PDE1A: variants seen among roughly 807,000 people sequenced by gnomAD.
PDE1A encodes the protein phosphodiesterase 1A, also known as dual specificity calcium/calmodulin-dependent 3',5'-cyclic nucleotide phosphodiesterase 1A.
PDE1A carries 35 observed loss-of-function variants against 61.7 expected under a neutral mutation model. The ratio of observed to expected loss-of-function variants is 0.57; its 90% CI spans 0.43 to 0.75. The LOEUF is 0.75. Ranked by LOEUF, PDE1A falls within the 30% of genes least tolerant of loss-of-function variation. The pLI is 0.00. For synonymous variants in PDE1A, 232 were observed against 213.2 expected (o/e 1.09, Z -0.77); for missense variants, 597 against 630.6 (o/e 0.95, Z 0.57).
the PDE1A span, among the ~76,000 whole-genome samples, chr2:182,619,065 G>A: frequency 1.3e-5 from 2 of 151,342 alleles, no homozygotes; most frequent in Non-Finnish European, 2.9e-5. Context: ...GGGTGAGCGG[G>A]GGCAGGGTTG....
At chr2:182,281,882 T>C (rs1028036386) in intron 1 of PDE1A, among the ~76,000 whole-genome samples, 1 of 151,842 alleles carries the variant, frequency 6.6e-6, no homozygotes, top group African/African-American at 2.4e-5. Flanking sequence ...TTAAATATAG[T>C]TAAGAAATTT....
chr2:182,618,253 T>C, the PDE1A span, among the ~76,000 whole-genome samples: 1 of 152,198 alleles, frequency 6.6e-6, no homozygotes, highest in African/African-American at 2.4e-5. Context: ...GGGAGAATTA[T>C]TATAGTGTCA....
chr2:182,663,872 C>T, the PDE1A span, among the ~76,000 whole-genome samples: 9 of 151,414 alleles, frequency 5.9e-5, no homozygotes, highest in Non-Finnish European at 1.3e-4. Flanking sequence ...TAAAATAAAC[C>T]ATAAGAAAGT....
chr2:182,506,537 T>C (rs1176053597), intron 2 of PDE1A, among the ~76,000 whole-genome samples: 3 of 152,236 alleles, frequency 2.0e-5, no homozygotes, highest in East Asian at 3.8e-4. Context: ...TTTCTTATCA[T>C]TTACTCCTTT....
chr2:182,154,400 C>A (rs1690951088), intron 13 of PDE1A, among the ~76,000 whole-genome samples: 1 of 152,114 alleles, frequency 6.6e-6, no homozygotes, highest in Non-Finnish European at 1.5e-5. Context: ...AAACATGTAT[C>A]ATTCATCCTT....
intron 2 of PDE1A, among the ~76,000 whole-genome samples, chr2:182,249,539 G>A (rs1033728767): frequency 6.6e-6 from 1 of 152,130 alleles, no homozygotes; most frequent in Non-Finnish European, 1.5e-5. Flanking sequence ...GCTAAAGGTG[G>A]TACTGAACTC....
chr2:182,668,787 C>A, the PDE1A span, among the ~76,000 whole-genome samples: 1 of 152,218 alleles, frequency 6.6e-6, no homozygotes, highest in African/African-American at 2.4e-5. Flanking sequence ...TGGCTCCCCA[C>A]TGTCTGCCTG....
the PDE1A span, among the ~76,000 whole-genome samples, chr2:182,681,343 T>C: frequency 6.6e-6 from 1 of 152,084 alleles, no homozygotes; most frequent in African/African-American, 2.4e-5. Context: ...AGTCTTGCTC[T>C]GTTGCCCAGG....
At chr2:182,619,081 T>C in the PDE1A span, among the ~76,000 whole-genome samples, 1 of 151,538 alleles carries the variant, frequency 6.6e-6, no homozygotes, top group Non-Finnish European at 1.5e-5. Flanking sequence ...GGTTGGAAGA[T>C]ACTATAACAA....
At chr2:182,623,918 G>A in the PDE1A span, among the ~76,000 whole-genome samples, 2 of 152,202 alleles carry the variant, frequency 1.3e-5, no homozygotes, top group African/African-American at 4.8e-5. Context: ...GAGGTCAGGA[G>A]ACCGAGACCA....
At chr2:182,446,285 T>C (rs1398654598) in intron 2 of PDE1A, among the ~76,000 whole-genome samples, 1 of 152,086 alleles carries the variant, frequency 6.6e-6, no homozygotes, top group East Asian at 1.9e-4. Context: ...TCAGCTCTGT[T>C]AGAACAGCAT....
the PDE1A span, among the ~76,000 whole-genome samples, chr2:182,576,469 C>T: frequency 2.6e-5 from 4 of 152,156 alleles, no homozygotes; most frequent in Non-Finnish European, 2.9e-5. Context: ...CATCTACCAA[C>T]GAACACTTGT....
intron 1 of PDE1A, among the ~76,000 whole-genome samples, chr2:182,389,507 T>A (rs1297601522): frequency 1.3e-5 from 2 of 152,140 alleles, no homozygotes; most frequent in Non-Finnish European, 2.9e-5. Flanking sequence ...TTAATATCAG[T>A]AATCATCAGG....
chr2:182,148,293 G>A (rs1234736849), intron 13 of PDE1A, among the ~76,000 whole-genome samples: 1 of 152,092 alleles, frequency 6.6e-6, no homozygotes, highest in Non-Finnish European at 1.5e-5. Flanking sequence ...GGGGTGGGGT[G>A]TGTATGGTTG....
rs576969435 is a variant in PDE1A at position 182,462,260 on chromosome 2, A to G, written c.101+60016T>C. On this transcript the variant is annotated intron_variant, in intron 2 of 14. Transcript: ENST00000410103. ...CATGGCACATGTATACATATGTAAC[A>G]AACCTGCACGTTGTGCACATGCACC... Among the ~76,000 whole-genome samples, 280 of 152,198 alleles carry G rather than the reference A, an allele frequency of 1.8e-3. 1 individual carries two copies. Among genetic ancestry groups the G allele is most frequent in the Non-Finnish European group, 3.2e-3 (217 of 68,000 alleles).
intron 2 of PDE1A, among the ~76,000 whole-genome samples, chr2:182,261,083 C>G (rs979585208): frequency 6.6e-6 from 1 of 151,830 alleles, no homozygotes; most frequent in African/African-American, 2.4e-5. Flanking sequence ...TATAGTGGGC[C>G]CTTAATACGT....
At chr2:182,157,005 T>C (rs1480543504) in intron 13 of PDE1A, among the ~76,000 whole-genome samples, 1 of 140,864 alleles carries the variant, frequency 7.1e-6, no homozygotes, top group Non-Finnish European at 1.5e-5. Flanking sequence ...TATTATTTTA[T>C]TTTATTTTAT....
rs145888445 is a variant in PDE1A, at chr2:182,264,737, T to A, written c.54-323A>T. Among the ~76,000 whole-genome samples the A allele has an allele frequency of 5.3e-5, 8 of 151,352 alleles. No homozygotes were observed. The East Asian group carries it at 1.6e-3, about 29-fold the overall frequency. On this transcript the variant is annotated intron_variant, in intron 1 of 13. Coordinates refer to ENST00000351439, the Ensembl canonical transcript of PDE1A. ...AAAAGTATATTCCTATAATTTATTC[T>A]ATGGTTTTTCTGTTTTTTTAATGTT...
chr2:182,350,330 G>C (rs995330785), intron 1 of PDE1A, among the ~76,000 whole-genome samples: 1 of 152,124 alleles, frequency 6.6e-6, no homozygotes, highest in Non-Finnish European at 1.5e-5. Context: ...GAACATTCTT[G>C]TACATGGCTT....
Sources: gnomAD v4.1 joint callset for allele counts (sites outside exome capture counted in the v4.1 genomes callset) on GRCh38, gnomAD v4.1.1 for gene constraint, MANE v1.5 for transcripts, NCBI Gene and HGNC (gene_info 2026-07-23, HGNC 2026-07-21) for gene names.